The following COL24A1 variants were observed in gnomAD, a reference collection of about 807,000 sequenced individuals.
The protein encoded by COL24A1 is collagen alpha-1(XXIV) chain.
A neutral mutation model predicts 253.9 loss-of-function variants in COL24A1; 224 were observed. The observed-to-expected ratio is 0.88, with a 90% CI of 0.79 to 0.99. The LOEUF (loss-of-function observed/expected upper bound fraction) is 0.99, where lower values mean the gene tolerates loss of function less well. COL24A1 is among the 50% of genes least tolerant of loss of function. The probability of loss-of-function intolerance (pLI) is 0.00; values close to 1 mark genes in which losing one functional copy is unlikely to be tolerated. For synonymous variants in COL24A1, 685 were observed against 673.7 expected, an observed-to-expected ratio of 1.02 and a Z score of -0.26; for missense variants, 2,131 against 2,068.5, an observed-to-expected ratio of 1.03 and a Z score of -0.59.
chr1:85,736,341 G>C, intron 58 of COL24A1: 1 of 456,242 alleles, frequency 2.2e-6, no homozygotes, highest in Non-Finnish European at 4.4e-6. Flanking sequence ...AACAACTAGA[G>C]TCCGCTTCCC....
chr1:85,896,179 T>C (rs1194969357), intron 29 of COL24A1, 114 bp from the exon 30 acceptor site: 1 of 1,249,954 alleles, frequency 8.0e-7, no homozygotes, highest in African/African-American at 1.5e-5. Context: ...ATATAGTTCA[T>C]TATTGAAAAG....
chr1:85,758,315 A>C (rs960670141), intron 55 of COL24A1, among the ~76,000 whole-genome samples: 3 of 152,124 alleles, frequency 2.0e-5, no homozygotes, highest in African/African-American at 7.2e-5. Context: ...CAGGTTCTAC[A>C]GTTGACCCAT....
chr1:86,131,781 T>A (rs1399915313), intron 2 of COL24A1, among the ~76,000 whole-genome samples: 2 of 152,164 alleles, frequency 1.3e-5, no homozygotes, highest in Non-Finnish European at 2.9e-5. Flanking sequence ...TTTGGGTTGG[T>A]TCCAAGTCTT....
rs1424684747 is a variant in COL24A1 at position 85,909,936 on chromosome 1, C to G, written c.2670+14G>C. ...TTCTTTGGAAACATATTTTTCAAAT[C>G]ACTGAGCTCTTACCATAACACCTTT... On this transcript the variant is annotated intron_variant, in intron 26 of 59. Transcript: ENST00000370571. 6.2e-7 allele frequency: 1 copy of G among 1,603,984 alleles called. No homozygotes were observed. The highest frequency in any genetic ancestry group is 1.7e-5 in the Admixed American group (1 of 59,860).
Position 85,849,357 on chromosome 1 carries a change from T to A in COL24A1, c.3350A>T (p.Lys1117Ile). The A allele has an allele frequency of 6.2e-7, 1 of 1,612,828 alleles. No homozygotes were observed. Among genetic ancestry groups the A allele is most frequent in the African/African-American group, 1.3e-5 (1 of 75,006 alleles). ...GIPGQRGRPG[K>I]KGDKGQIGPT... is the part of the protein sequence containing the mutation. The stretch of plus-strand genomic sequence containing the variant: ...TAAGAAGATGTAAAAAATTACCTTT[T>A]TTCCTGGACGACCTCTTTGCCCTGG... The change falls in exon 38 of 60, where the codon AAA (lysine) becomes ATA (isoleucine). Residue 1117 changes from lysine (K) to isoleucine (I), a missense_variant. Coordinates refer to ENST00000370571, the MANE Select transcript of COL24A1 (RefSeq NM_152890.7).
At chr1:86,063,080 T>C (rs1701212407) in intron 8 of COL24A1, among the ~76,000 whole-genome samples, 2 of 152,146 alleles carry the variant, frequency 1.3e-5, no homozygotes, top group Admixed American at 6.6e-5. Context: ...CCATAAGACA[T>C]ATGACTTTAT....
Position 85,887,583 on chromosome 1 carries a change from A to G in COL24A1, c.2976+1977T>C, listed in dbSNP as rs551199012. ...TGTTATAGTATGAAAGCAGCCATCC[A>G]TACATAAGGGAATCGTTGTGGCTGT... On this transcript the variant is annotated intron_variant, in intron 32 of 59. Coordinates refer to ENST00000370571, the MANE Select transcript of COL24A1 (RefSeq NM_152890.7). 4.6e-4 allele frequency among the ~76,000 whole-genome samples: 70 copies of G among 152,202 alleles called. No individual in the cohort carries two copies. In the Middle Eastern group the frequency reaches 0.01, roughly 22 times the overall value.
chr1:85,997,055 G>GTATATATATATATATATATATATATA (rs59071699), intron 19 of COL24A1, among the ~76,000 whole-genome samples: 6 of 95,094 alleles, frequency 6.3e-5, no homozygotes, highest in Non-Finnish European at 1.2e-4. Context: ...GTGTGTGTGT[G>GTATATATATATATATATATATATATA]TATATATATA....
At chr1:85,731,428 G>A (rs1411495450) in intron 59 of COL24A1, among the ~76,000 whole-genome samples, 2 of 152,126 alleles carry the variant, frequency 1.3e-5, no homozygotes, top group Non-Finnish European at 2.9e-5. Context: ...GATTATTTAA[G>A]CTATAAATTT....
At chr1:86,092,414 T>A in intron 5 of COL24A1, 94 bp from the exon 6 acceptor site, 1 of 801,908 alleles carries the variant, frequency 1.2e-6, no homozygotes, top group Non-Finnish European at 2.0e-6. Flanking sequence ...GTTATATACA[T>A]TATATGGTGT....
At chr1:86,040,230 C>G (rs1175583838) in intron 12 of COL24A1, among the ~76,000 whole-genome samples, 1 of 152,034 alleles carries the variant, frequency 6.6e-6, no homozygotes, top group African/African-American at 2.4e-5. Context: ...AATCCCTGAG[C>G]CCAACCTAGG....
intron 53 of COL24A1, among the ~76,000 whole-genome samples, chr1:85,771,880 T>C (rs1472739831): frequency 7.3e-5 from 11 of 149,710 alleles, no homozygotes; most frequent in Admixed American, 3.4e-4. Flanking sequence ...ACATGTGCCA[T>C]GCTGGTGCGC....
chr1:86,041,827 A>C (rs923031634), intron 12 of COL24A1, among the ~76,000 whole-genome samples: 1 of 152,128 alleles, frequency 6.6e-6, no homozygotes, highest in African/African-American at 2.4e-5. Context: ...TGACCAATAA[A>C]GGTTGTCCAC....
intron 10 of COL24A1, 67 bp from the exon 11 acceptor site, chr1:86,050,244 A>T (rs1571744234): frequency 7.2e-7 from 1 of 1,386,986 alleles, no homozygotes; most frequent in East Asian, 2.3e-5. Flanking sequence ...GATTCTGAAT[A>T]GAAGTACTTA....
At chr1:85,885,287 G>A (rs1303220935) in intron 32 of COL24A1, among the ~76,000 whole-genome samples, 2 of 151,166 alleles carry the variant, frequency 1.3e-5, no homozygotes, top group Non-Finnish European at 2.9e-5. Context: ...TGCAACCTCC[G>A]CCTCCCAGGT....
At chr1:85,980,615 T>C (rs1693157204) in intron 20 of COL24A1, among the ~76,000 whole-genome samples, 1 of 152,056 alleles carries the variant, frequency 6.6e-6, no homozygotes, top group Admixed American at 6.6e-5. Context: ...TACTTAGAAG[T>C]ATACCTAACC....
intron 2 of COL24A1, among the ~76,000 whole-genome samples, chr1:86,132,506 A>G (rs545848440): frequency 6.6e-6 from 1 of 152,070 alleles, no homozygotes; most frequent in Non-Finnish European, 1.5e-5. Context: ...TAGGTCTAAC[A>G]TGTAAGTCTT....
chr1:85,926,636 G>A (rs1268688687), intron 24 of COL24A1, among the ~76,000 whole-genome samples: 1 of 151,968 alleles, frequency 6.6e-6, no homozygotes, highest in Non-Finnish European at 1.5e-5. Flanking sequence ...TTGGACACAG[G>A]GCGGGGAACA....
intron 22 of COL24A1, among the ~76,000 whole-genome samples, chr1:85,965,729 G>A (rs1274597202): frequency 2.0e-5 from 3 of 152,104 alleles, no homozygotes; most frequent in African/African-American, 7.2e-5. Context: ...CCTAAAGAAA[G>A]GGACAAGTTA....
Sources: allele counts gnomAD v4.1 joint callset (sites outside exome capture counted in the v4.1 genomes callset), GRCh38; gene constraint gnomAD v4.1.1; transcripts MANE v1.5; gene names NCBI Gene and HGNC (gene_info 2026-07-23, HGNC 2026-07-21).